The following B3GALT1 variants were observed in gnomAD, a reference collection of about 807,000 sequenced individuals.
B3GALT1 encodes the protein beta-1,3-galactosyltransferase 1, also known as UDP-Gal:betaGlcNAc beta 1,3-galactosyltransferase, polypeptide 1.
In B3GALT1, 10 loss-of-function variants were observed where a neutral mutation model predicts 23.2. The observed-to-expected ratio is 0.43, with a 90% CI of 0.27 to 0.73. The LOEUF (loss-of-function observed/expected upper bound fraction) is 0.73, where lower values mean the gene tolerates loss of function less well. Among genes scored for constraint, B3GALT1 ranks in the 30% least tolerant of loss-of-function variants. The probability of loss-of-function intolerance (pLI) is 0.21; values close to 1 mark genes in which losing one functional copy is unlikely to be tolerated. For synonymous variants in B3GALT1, 156 were observed against 141.5 expected (o/e 1.10, Z -0.73); for missense variants, 299 against 405.4 (o/e 0.74, Z 2.25).
At chr2:167,741,128 T>G (rs894024699) in intron 3 of B3GALT1, among the ~76,000 whole-genome samples, 1 of 152,196 alleles carries the variant, frequency 6.6e-6, no homozygotes, top group African/African-American at 2.4e-5. Context: ...GCCTCTGGTG[T>G]TGTTGGCAGC....
chr2:167,412,739 A>C (rs1014356554), intron 1 of B3GALT1, among the ~76,000 whole-genome samples: 1 of 152,156 alleles, frequency 6.6e-6, no homozygotes, highest in Non-Finnish European at 1.5e-5. Context: ...CACCTATTAT[A>C]GAGACAAAAT....
rs111748308 is a variant in B3GALT1, at chr2:167,359,223, T to G, written c.-511+65889T>G. On this transcript the variant is annotated intron_variant, in intron 1 of 4. Coordinates refer to ENST00000392690, the MANE Select transcript of B3GALT1 (RefSeq NM_020981.4). ...AAAAGCTCAAAAATTTTGTTGTCAT[T>G]GCCATTAGTGTCTTCTTTGAGTGCA... Among the ~76,000 whole-genome samples, 815 of 152,356 alleles carry G rather than the reference T, an allele frequency of 5.3e-3. 9 individuals are homozygous for G. Among genetic ancestry groups the G allele is most frequent in the African/African-American group, 0.019 (785 of 41,592 alleles).
chr2:167,665,748 C>T lies in B3GALT1; in HGVS notation c.-352+18782C>T, dbSNP rs374140256. Among the ~76,000 whole-genome samples the T allele has an allele frequency of 3.0e-4, 46 of 152,300 alleles. No homozygotes were observed. In the East Asian group the frequency reaches 3.5e-3, roughly 12 times the overall value. On this transcript the variant is annotated intron_variant, in intron 3 of 4. Transcript: ENST00000392690. ...TCTTTTAGATTTTCTAGTTTATTTG[C>T]GTAGAGGTGTTTGTACTATTCTCTG...
chr2:167,777,558 G>T (rs1688181293), intron 3 of B3GALT1, among the ~76,000 whole-genome samples: 1 of 152,090 alleles, frequency 6.6e-6, no homozygotes, highest in Non-Finnish European at 1.5e-5. Flanking sequence ...TTGTTGGCCA[G>T]GCTGGTCTCA....
At chr2:167,791,184 A>C (rs1015465047) in intron 3 of B3GALT1, among the ~76,000 whole-genome samples, 5 of 152,188 alleles carry the variant, frequency 3.3e-5, no homozygotes, top group Non-Finnish European at 5.9e-5. Flanking sequence ...CCCCACTTAC[A>C]CATGAGGAAA....
chr2:167,624,653 A>G (rs1451150115), intron 2 of B3GALT1, among the ~76,000 whole-genome samples: 1 of 152,034 alleles, frequency 6.6e-6, no homozygotes, highest in East Asian at 1.9e-4. Context: ...ACTATATTAT[A>G]TGACTACCAA....
At chr2:167,312,480 G>A (rs1373414211) in intron 1 of B3GALT1, among the ~76,000 whole-genome samples, 2 of 151,842 alleles carry the variant, frequency 1.3e-5, no homozygotes, top group Admixed American at 6.6e-5. Context: ...TAGACAAGAA[G>A]TAAAATGCTC....
Position 167,869,118 on chromosome 2 carries a change from C to T in B3GALT1, c.79C>T (p.Arg27Cys), listed in dbSNP as rs1340830027. ...CGCTCTCTGGTACTTGAGTATAACT[C>T]GCCCTACTTCTTCTTACACTGGCTC... ...ASALWYLSITRPTSSYTGSKP... is the reference protein window; with the variant it reads ...ASALWYLSITCPTSSYTGSKP... Residue 27 changes from arginine to cysteine, a missense_variant, in exon 5 of 5, where the codon CGC becomes TGC. Transcript: ENST00000392690. This position sits in a 1 kb window ranked among gnomAD's most constrained non-coding sequence, Gnocchi z 6.4. The T allele has an allele frequency of 3.1e-6, 5 of 1,614,112 alleles. No homozygotes were observed. Among genetic ancestry groups the T allele is most frequent in the Non-Finnish European group, 4.2e-6 (5 of 1,180,024 alleles).
intron 1 of B3GALT1, among the ~76,000 whole-genome samples, chr2:167,466,571 G>C (rs1320454493): frequency 7.8e-6 from 1 of 128,420 alleles, no homozygotes; most frequent in Non-Finnish European, 1.6e-5. Flanking sequence ...AGTGAGCTAA[G>C]ATCCCGCCAC....
At chr2:167,659,300 G>C (rs1328776877) in intron 3 of B3GALT1, among the ~76,000 whole-genome samples, 1 of 151,748 alleles carries the variant, frequency 6.6e-6, no homozygotes, top group African/African-American at 2.4e-5. Context: ...CCCTTTGTCA[G>C]TAGTTATTCT....
At chr2:167,665,961 C>T (rs1400211370) in intron 3 of B3GALT1, among the ~76,000 whole-genome samples, 3 of 152,050 alleles carry the variant, frequency 2.0e-5, no homozygotes, top group African/African-American at 7.3e-5. Context: ...TCTCTATTTC[C>T]TTCAGTTCTG....
chr2:167,595,768 G>T (rs896791940), intron 2 of B3GALT1, among the ~76,000 whole-genome samples: 1 of 152,154 alleles, frequency 6.6e-6, no homozygotes, highest in East Asian at 1.9e-4. Flanking sequence ...TTTATACTTT[G>T]ATAAAATGAA....
chr2:167,418,966 A>T (rs1698508695), intron 1 of B3GALT1, among the ~76,000 whole-genome samples: 1 of 152,180 alleles, frequency 6.6e-6, no homozygotes, highest in South Asian at 2.1e-4. Context: ...CACAGACACC[A>T]CTTAGCCCCA....
At chr2:167,829,448 ACT>A (rs939179304) in intron 4 of B3GALT1, among the ~76,000 whole-genome samples, 2 of 151,348 alleles carry the variant, frequency 1.3e-5, no homozygotes, top group African/African-American at 4.9e-5. Context: ...ACGCCATTGC[ACT>A]CCAGCCCGGG....
At chr2:167,868,624 C>T (rs1436243261) in intron 4 of B3GALT1, among the ~76,000 whole-genome samples, 187 bp from the exon 5 acceptor site, 1 of 151,950 alleles carries the variant, frequency 6.6e-6, no homozygotes, top group Non-Finnish European at 1.5e-5. Context: ...TATACATACA[C>T]AGCTTCTATC....
chr2:167,848,137 T>C (rs1177297392), intron 4 of B3GALT1, among the ~76,000 whole-genome samples: 1 of 152,102 alleles, frequency 6.6e-6, no homozygotes, highest in Non-Finnish European at 1.5e-5. Flanking sequence ...ACCAAATAGA[T>C]TCCGAGCAGA....
intron 2 of B3GALT1, among the ~76,000 whole-genome samples, chr2:167,563,954 G>A (rs1379777689): frequency 9.7e-5 from 9 of 92,394 alleles, no homozygotes; most frequent in African/African-American, 1.3e-4. Flanking sequence ...AGGCGGGGCC[G>A]ACCCCCCCAC....
At chr2:167,805,036 G>C (rs1292633611) in intron 3 of B3GALT1, among the ~76,000 whole-genome samples, 1 of 152,112 alleles carries the variant, frequency 6.6e-6, no homozygotes, top group African/African-American at 2.4e-5. Context: ...GTGTGAGATG[G>C]TATCTCACTG....
intron 3 of B3GALT1, among the ~76,000 whole-genome samples, chr2:167,699,894 G>T (rs62194982): frequency 6.6e-6 from 1 of 151,932 alleles, no homozygotes; most frequent in East Asian, 1.9e-4. Flanking sequence ...TGCATTTTTA[G>T]TGGAGACGGG....
Sources: gnomAD v4.1 joint callset for allele counts (sites outside exome capture counted in the v4.1 genomes callset) on GRCh38, gnomAD v4.1.1 for gene constraint, Gnocchi (gnomAD v3.1) non-coding constraint, MANE v1.5 for transcripts, NCBI Gene and HGNC (gene_info 2026-07-23, HGNC 2026-07-21) for gene names.